CADPS2: variants seen among roughly 807,000 people sequenced by gnomAD.
CADPS2 encodes calcium-dependent secretion activator 2.
In CADPS2, 93 loss-of-function variants were observed where a neutral mutation model predicts 172.5. The observed-to-expected ratio is 0.54, with a 90% CI of 0.46 to 0.64. The LOEUF (loss-of-function observed/expected upper bound fraction) is 0.64, where lower values mean the gene tolerates loss of function less well. Among genes scored for constraint, CADPS2 ranks in the 30% least tolerant of loss-of-function variants. CADPS2 has a pLI of 0.00. For synonymous variants in CADPS2, 546 were observed against 555.2 expected (o/e 0.98, Z 0.23); for missense variants, 1,420 against 1,565.9 (o/e 0.91, Z 1.57).
intron 1 of CADPS2, among the ~76,000 whole-genome samples, chr7:122,883,371 T>G (rs981264849): frequency 1.3e-5 from 2 of 152,156 alleles, no homozygotes; most frequent in Non-Finnish European, 2.9e-5. Context: ...GTCTCTAAAT[T>G]CTTGAAGTTG....
chr7:122,645,292 T>G (rs930122658), intron 3 of CADPS2, among the ~76,000 whole-genome samples: 1 of 139,048 alleles, frequency 7.2e-6, no homozygotes, highest in Non-Finnish European at 1.6e-5. Context: ...CATATGTACA[T>G]ATATACACAT....
chr7:122,387,274 T>C, intron 23 of CADPS2, 101 bp from the exon 24 acceptor site: 1 of 1,222,782 alleles, frequency 8.2e-7, no homozygotes, highest in South Asian at 1.5e-5. Flanking sequence ...ATTTAAAACA[T>C]GCAAATAAGG....
chr7:122,669,713 A>G (rs1002755838), intron 2 of CADPS2, among the ~76,000 whole-genome samples: 3 of 152,004 alleles, frequency 2.0e-5, no homozygotes, highest in Non-Finnish European at 4.4e-5. Flanking sequence ...GGAGCCTTCC[A>G]CATCACACAT....
At chr7:122,385,005 T>A (rs146329610) in intron 24 of CADPS2, among the ~76,000 whole-genome samples, 41 of 152,078 alleles carry the variant, frequency 2.7e-4, no homozygotes, top group African/African-American at 9.2e-4. Context: ...ATAAACCCAG[T>A]ATGAATGGAA....
At chr7:122,470,909 G>A (rs181274240) in intron 14 of CADPS2, among the ~76,000 whole-genome samples, 152 of 152,272 alleles carry the variant, frequency 1.0e-3, no homozygotes, top group African/African-American at 3.5e-3. Context: ...GTGGATTAGG[G>A]AAGTGGCTAA....
At chr7:122,670,372 G>C (rs1344994408) in intron 2 of CADPS2, among the ~76,000 whole-genome samples, 1 of 152,004 alleles carries the variant, frequency 6.6e-6, no homozygotes, top group Non-Finnish European at 1.5e-5. Flanking sequence ...GAGCTCAGGA[G>C]TTGGAGACCA....
chr7:122,507,132 C>T (rs2130672731), intron 9 of CADPS2, among the ~76,000 whole-genome samples: 1 of 151,678 alleles, frequency 6.6e-6, no homozygotes, highest in East Asian at 1.9e-4. Context: ...ATATAAATGC[C>T]CCTAACAATA....
At position 122,347,907 on chromosome 7, in the gene CADPS2, A is replaced by C. The variant is rs922884962; in HGVS notation, c.3505-2226T>G. Among the ~76,000 whole-genome samples the C allele has an allele frequency of 3.9e-5, 6 of 152,208 alleles. No homozygotes were observed. The East Asian group carries it at 9.6e-4, about 24-fold the overall frequency. ...ACACTGACAATGAGAACATTCAAAAAACCTGCTGCTGCAGAACGAAAGTGA... is the reference window on the plus strand; with the variant it reads ...ACACTGACAATGAGAACATTCAAAACACCTGCTGCTGCAGAACGAAAGTGA... On this transcript the variant is annotated intron_variant, in intron 27 of 29. Coordinates refer to ENST00000449022, the MANE Select transcript of CADPS2 (RefSeq NM_017954.11).
chr7:122,615,779 A>T (rs2074836729), intron 5 of CADPS2, among the ~76,000 whole-genome samples: 1 of 152,094 alleles, frequency 6.6e-6, no homozygotes, highest in South Asian at 2.1e-4. Flanking sequence ...AATTTTCTAT[A>T]TTCACTTATT....
chr7:122,639,380 G>C (rs2077375330), intron 3 of CADPS2, among the ~76,000 whole-genome samples: 1 of 152,112 alleles, frequency 6.6e-6, no homozygotes, highest in Non-Finnish European at 1.5e-5. Context: ...ATTATAAAAA[G>C]TAGAAAAACA....
At chr7:122,503,072 C>T (rs1257253682) in intron 9 of CADPS2, among the ~76,000 whole-genome samples, 1 of 150,716 alleles carries the variant, frequency 6.6e-6, no homozygotes, top group African/African-American at 2.4e-5. Context: ...CGCTCTGTCG[C>T]CCAGGCTGGA....
At chr7:122,780,144 A>G (rs1293318340) in intron 1 of CADPS2, among the ~76,000 whole-genome samples, 3 of 152,156 alleles carry the variant, frequency 2.0e-5, no homozygotes, top group Admixed American at 2.0e-4. Context: ...TTAAAATCTT[A>G]TTTCTGTACA....
intron 3 of CADPS2, among the ~76,000 whole-genome samples, chr7:122,635,270 AAT>A (rs1491576310): frequency 7.1e-6 from 1 of 140,150 alleles, no homozygotes; most frequent in Non-Finnish European, 1.6e-5. Context: ...ATGTGTGGCT[AAT>A]TTTTTTTTTT....
At chr7:122,735,263 C>T (rs941964955) in intron 2 of CADPS2, among the ~76,000 whole-genome samples, 3 of 152,090 alleles carry the variant, frequency 2.0e-5, no homozygotes, top group East Asian at 3.9e-4. Flanking sequence ...CCACCCAAGT[C>T]CTAGTTTTAC....
chr7:122,780,670 T>A (rs916251608), intron 1 of CADPS2, among the ~76,000 whole-genome samples: 2 of 152,082 alleles, frequency 1.3e-5, no homozygotes, highest in African/African-American at 4.8e-5. Context: ...CACCACTAAT[T>A]TTTATTATTT....
At chr7:122,454,147 C>T (rs771885548) in intron 14 of CADPS2, among the ~76,000 whole-genome samples, 13 of 152,118 alleles carry the variant, frequency 8.5e-5, no homozygotes, top group African/African-American at 2.2e-4. Flanking sequence ...AAATACTTTC[C>T]GTGTCATCAA....
chr7:122,846,669 G>A (rs541753317), intron 1 of CADPS2, among the ~76,000 whole-genome samples: 2 of 152,214 alleles, frequency 1.3e-5, no homozygotes, highest in East Asian at 1.9e-4. Context: ...TTTACATCTC[G>A]ATAAGGAGCA....
At chr7:122,834,253 T>C (rs964419483) in intron 1 of CADPS2, among the ~76,000 whole-genome samples, 3 of 152,126 alleles carry the variant, frequency 2.0e-5, no homozygotes, top group African/African-American at 7.2e-5. Context: ...TTTGGGAAAT[T>C]ACCCTAAATA....
intron 7 of CADPS2, among the ~76,000 whole-genome samples, chr7:122,558,227 C>T (rs2065274288): frequency 6.6e-6 from 1 of 151,972 alleles, no homozygotes. Flanking sequence ...AGCAGTTCCA[C>T]TTCAATAGGA....
Sources: allele counts gnomAD v4.1 joint callset (sites outside exome capture counted in the v4.1 genomes callset), GRCh38; gene constraint gnomAD v4.1.1; transcripts MANE v1.5; gene names NCBI Gene and HGNC (gene_info 2026-07-23, HGNC 2026-07-21).